Variants in ARFGEF1 observed in about 807,000 individuals in gnomAD.
ARFGEF1 encodes the protein brefeldin A-inhibited guanine nucleotide-exchange protein 1.
Under a neutral mutation model 231.0 loss-of-function variants are expected in ARFGEF1, and 42 were observed. That is an observed-to-expected ratio of 0.18 (90% CI 0.14 to 0.24). The LOEUF (loss-of-function observed/expected upper bound fraction) is 0.24, where lower values mean the gene tolerates loss of function less well. Among genes scored for constraint, ARFGEF1 ranks in the 10% least tolerant of loss-of-function variants. ARFGEF1 has a pLI of 1.00. For synonymous variants in ARFGEF1, 710 were observed against 732.3 expected (o/e 0.97, Z 0.49); for missense variants, 1,345 against 2,192.0 (o/e 0.61, Z 7.72).
chr8:67,338,538 G>A (rs994371655), intron 1 of ARFGEF1, among the ~76,000 whole-genome samples: 7 of 152,182 alleles, frequency 4.6e-5, no homozygotes, highest in Non-Finnish European at 5.9e-5. Context: ...AATGGAAACA[G>A]ATTACACACT....
At chr8:67,288,632 C>T (rs111462771) in intron 6 of ARFGEF1, among the ~76,000 whole-genome samples, 3,393 of 152,174 alleles carry the variant, frequency 0.022, 81 homozygotes, top group South Asian at 0.047. Flanking sequence ...ACTCGGGAGG[C>T]TGAGGCAGGA....
rs377555863 is a variant in ARFGEF1 at position 67,187,065 on chromosome 8, G to T, written c.561-11493C>A. Among the ~76,000 whole-genome samples the T allele has an allele frequency of 3.9e-4, 59 of 152,076 alleles. No individual in the cohort carries two copies. The East Asian group carries it at 0.01, about 26-fold the overall frequency. Reference sequence around the variant, plus strand: ...GGAAAACTACAAAACTGATGAAATTGAAGGACTACTAAATAAATGGAGATA... The same window carrying T: ...GGAAAACTACAAAACTGATGAAATTTAAGGACTACTAAATAAATGGAGATA... On this transcript the variant is annotated intron_variant, in intron 5 of 5. Coordinates refer to the ARFGEF1 transcript ENST00000518789.
At chr8:67,231,368 C>T (rs113993309) in intron 23 of ARFGEF1, among the ~76,000 whole-genome samples, 3 of 151,930 alleles carry the variant, frequency 2.0e-5, no homozygotes, top group Non-Finnish European at 2.9e-5. Flanking sequence ...AAGTATCTGG[C>T]GATGACAAGA....
chr8:67,258,481 C>T lies in ARFGEF1; in HGVS notation c.2236-191G>A, dbSNP rs147610920. ...CTGGGATTAAAGGCGCCTGCTACTGCGCCCAGCTAATTTTTTTTGTATTTT... is the reference window on the plus strand; with the variant it reads ...CTGGGATTAAAGGCGCCTGCTACTGTGCCCAGCTAATTTTTTTTGTATTTT... On this transcript the variant is annotated intron_variant, in intron 15 of 38. Coordinates refer to ENST00000262215, the MANE Select transcript of ARFGEF1 (RefSeq NM_006421.5). Among the ~76,000 whole-genome samples the T allele has an allele frequency of 8.0e-4, 122 of 152,100 alleles. 1 individual carries two copies. Among genetic ancestry groups the T allele is most frequent in the African/African-American group, 2.6e-3 (106 of 41,510 alleles).
intron 17 of ARFGEF1, among the ~76,000 whole-genome samples, chr8:67,257,221 C>G (rs144702927): frequency 6.6e-6 from 1 of 152,078 alleles, no homozygotes; most frequent in Non-Finnish European, 1.5e-5. Context: ...GTTGGGACCA[C>G]AGGCACATGC....
At chr8:67,331,816 T>C (rs1307939459) in intron 1 of ARFGEF1, among the ~76,000 whole-genome samples, 2 of 152,172 alleles carry the variant, frequency 1.3e-5, no homozygotes, top group African/African-American at 4.8e-5. Flanking sequence ...TTCTCTGTCT[T>C]GTCCTCCTCA....
intron 1 of ARFGEF1, among the ~76,000 whole-genome samples, chr8:67,328,038 G>A (rs192489952): frequency 8.4e-4 from 128 of 152,190 alleles, no homozygotes; most frequent in Middle Eastern, 6.8e-3. Flanking sequence ...TAGAGGGGGT[G>A]AAAGAAAGGG....
intron 19 of ARFGEF1, 71 bp downstream of exon 19, chr8:67,251,228 A>T: frequency 7.2e-7 from 1 of 1,385,998 alleles, no homozygotes; most frequent in Non-Finnish European, 9.5e-7. Context: ...CGCTTCCTTA[A>T]CTTAAAAATA....
In ARFGEF1 at chr8:67,343,628, G is replaced by C. The variant is rs992852178; in HGVS notation, c.-341C>G. The stretch of plus-strand genomic sequence containing the variant: ...GTGAGGGAGCCCGGCCCGGGCGGCT[G>C]TCTGCCGGGAACTGAGGGACGAGGT... On this transcript the variant is annotated 5_prime_UTR_variant, in exon 1 of 39. Transcript: ENST00000262215. 1 of 1,032,736 alleles carries C rather than the reference G, an allele frequency of 9.7e-7. No individual in the cohort carries two copies. Among genetic ancestry groups the C allele is most frequent in the Middle Eastern group, 4.6e-4 (1 of 2,154 alleles). 64.0% of individuals were successfully genotyped at this position (1,032,736 alleles called of 1,614,324 possible).
chr8:67,258,016 C>A, intron 16 of ARFGEF1, 69 bp downstream of exon 16: 3 of 1,415,202 alleles, frequency 2.1e-6, no homozygotes, highest in East Asian at 2.3e-5. Context: ...ATCTGTAAAT[C>A]CCTGGATGCT....
chr8:67,320,853 C>T (rs1044347770), intron 1 of ARFGEF1, among the ~76,000 whole-genome samples: 1 of 151,634 alleles, frequency 6.6e-6, no homozygotes, highest in Non-Finnish European at 1.5e-5. Flanking sequence ...TCCAGCTACT[C>T]GGGAGGCTGA....
At chr8:67,341,025 T>G (rs985979720) in intron 1 of ARFGEF1, among the ~76,000 whole-genome samples, 2 of 152,150 alleles carry the variant, frequency 1.3e-5, no homozygotes, top group African/African-American at 4.8e-5. Context: ...AGAGGAGATG[T>G]GACCATACAA....
chr8:67,222,180 C>CATAT (rs776083859), intron 29 of ARFGEF1, among the ~76,000 whole-genome samples: 1 of 86,464 alleles, frequency 1.2e-5, no homozygotes, highest in South Asian at 3.5e-4. Flanking sequence ...TATATATATA[C>CATAT]ACATATATAT....
chr8:67,246,555 AC>A (rs1392451372), intron 19 of ARFGEF1, among the ~76,000 whole-genome samples: 1 of 150,540 alleles, frequency 6.6e-6, no homozygotes, highest in African/African-American at 2.5e-5. Context: ...ATTTATTGAA[AC>A]AAATGATAAT....
chr8:67,249,159 T>C (rs6986871), intron 19 of ARFGEF1, among the ~76,000 whole-genome samples: 13,278 of 150,204 alleles, frequency 0.088, 2,181 homozygotes, highest in African/African-American at 0.27. Flanking sequence ...AATGTATATA[T>C]AGACAGTTCC....
In ARFGEF1 at chr8:67,271,853, T is replaced by C. The variant is rs750330408; in HGVS notation, c.1421A>G (p.Asn474Ser). 2.1e-5 allele frequency: 34 copies of C among 1,613,692 alleles called. No individual in the cohort carries two copies. Among genetic ancestry groups the C allele is most frequent in the Non-Finnish European group, 2.9e-5 (34 of 1,179,812 alleles). The change falls in exon 10 of 39, where the codon AAT becomes AGT. Residue 474 changes from asparagine (N) to serine (S), a missense_variant. Asn to Ser is a conservative substitution (Grantham distance 46). This residue lies in a region of ARFGEF1 where 141 missense variants were observed against 259.9 expected (regional missense o/e 0.54). Coordinates refer to ENST00000262215, the MANE Select transcript of ARFGEF1 (RefSeq NM_006421.5). Reference sequence around the variant, plus strand: ...CTTAATAGCATTAATAAACATCTCATTTGTCCTGAAAATAGGTCCTGCATT... The same window carrying C: ...CTTAATAGCATTAATAAACATCTCACTTGTCCTGAAAATAGGTCCTGCATT... ...LQNAGPIFRT[N>S]EMFINAIKQY... is the part of the protein sequence containing the mutation.
Position 67,241,817 on chromosome 8 carries a change from G to C in ARFGEF1, c.2851-1527C>G, listed in dbSNP as rs557418152. On this transcript the variant is annotated intron_variant, in intron 19 of 38. Coordinates refer to ENST00000262215, the MANE Select transcript of ARFGEF1 (RefSeq NM_006421.5). ...CACTGAAAGGGACATTGAAGGGGTA[G>C]GAAAGACAGTCTTAAATCCCAACGC... 1.1e-3 allele frequency among the ~76,000 whole-genome samples: 164 copies of C among 152,228 alleles called. 1 individual carries two copies. Among genetic ancestry groups the C allele is most frequent in the African/African-American group, 3.8e-3 (156 of 41,538 alleles).
In ARFGEF1 at chr8:67,253,492, T is replaced by A; in HGVS notation, c.2657A>T (p.Glu886Val). The A allele has an allele frequency of 6.3e-7, 1 of 1,581,540 alleles. No individual in the cohort carries two copies. The highest frequency in any genetic ancestry group is 8.7e-7 in the Non-Finnish European group (1 of 1,152,568). ...TGTAGGGATTGTTAGTTCTTTTGTT[T>A]CTTTCATTGATATCTTTTTCCCAGC... ...EIAGKKISMKETKELTIPTKS... is the reference protein window; with the variant it reads ...EIAGKKISMKVTKELTIPTKS... Residue 886 changes from glutamate to valine, a missense_variant, in exon 18 of 39, where the codon GAA becomes GTA. Glu to Val is a moderately radical substitution (Grantham distance 121). Coordinates refer to ENST00000262215, the MANE Select transcript of ARFGEF1 (RefSeq NM_006421.5).
chr8:67,238,262 A>C, intron 22 of ARFGEF1, 81 bp downstream of exon 22: 1 of 1,354,186 alleles, frequency 7.4e-7, no homozygotes, highest in Non-Finnish European at 9.9e-7. Flanking sequence ...TTCTCCTTCT[A>C]ATTATATTTC....
Sources: gnomAD v4.1 joint callset for allele counts (sites outside exome capture counted in the v4.1 genomes callset) on GRCh38, gnomAD v4.1.1 for gene constraint, gnomAD v4.1.1 regional missense constraint, MANE v1.5 for transcripts, NCBI Gene and HGNC (gene_info 2026-07-23, HGNC 2026-07-21) for gene names.